Variants in RBFOX1 observed in about 807,000 individuals in gnomAD.
RBFOX1 encodes the protein RNA binding protein fox-1 homolog 1.
In RBFOX1, 8 loss-of-function variants were observed where a neutral mutation model predicts 57.7. The observed-to-expected ratio is 0.14, with a 90% CI of 0.08 to 0.25. RBFOX1 has a LOEUF of 0.25. Among genes scored for constraint, RBFOX1 ranks in the 10% least tolerant of loss-of-function variants. The pLI is 1.00. For missense variants in RBFOX1, 611 were observed against 548.5 expected (o/e 1.11, Z -1.14); for synonymous variants, 326 against 222.4 (o/e 1.47, Z -4.15).
rs185079516 is a variant in RBFOX1 at position 7,174,640 on chromosome 16, C to T, written c.27+122542C>T. On this transcript the variant is annotated intron_variant, in intron 4 of 15. Transcript: ENST00000550418. ...TACTAAAAATACAAAATTAGCCAGG[C>T]GTGGTGGTGGGTACCTGTAATCCCA... Among the ~76,000 whole-genome samples, 274 of 152,172 alleles carry T rather than the reference C, an allele frequency of 1.8e-3. 3 individuals are homozygous for T. The highest frequency in any genetic ancestry group is 2.9e-3 in the Non-Finnish European group (197 of 68,006).
chr16:6,141,070 TTC>T (rs1436651007), intron 1 of RBFOX1, among the ~76,000 whole-genome samples: 18 of 152,168 alleles, frequency 1.2e-4, no homozygotes, highest in African/African-American at 3.6e-4. Flanking sequence ...ATCCTCTTAA[TTC>T]TCTGTGTCCA....
intron 3 of RBFOX1, among the ~76,000 whole-genome samples, chr16:5,672,453 C>A (rs532669596): frequency 3.3e-5 from 5 of 152,130 alleles, no homozygotes; most frequent in African/African-American, 4.8e-5. Context: ...CTATGCTGAA[C>A]CTTTGAAGGC....
intron 2 of RBFOX1, among the ~76,000 whole-genome samples, chr16:6,451,743 C>T (rs1188807301): frequency 1.3e-5 from 2 of 152,208 alleles, no homozygotes; most frequent in African/African-American, 4.8e-5. Context: ...AGACAGAGCA[C>T]ATACAGTATT....
chr16:7,064,318 G>T (rs999585124), intron 4 of RBFOX1, among the ~76,000 whole-genome samples: 11 of 151,872 alleles, frequency 7.2e-5, no homozygotes, highest in Non-Finnish European at 1.3e-4. Flanking sequence ...ACAGGCACCC[G>T]CCACCATACC....
At chr16:6,947,411 C>T (rs923589271) in intron 3 of RBFOX1, among the ~76,000 whole-genome samples, 1 of 152,276 alleles carries the variant, frequency 6.6e-6, no homozygotes, top group Non-Finnish European at 1.5e-5. Context: ...AGAGAAGGAA[C>T]AGATGGGAGA....
At chr16:7,503,765 C>G (rs899770325) in intron 4 of RBFOX1, among the ~76,000 whole-genome samples, 16 of 152,082 alleles carry the variant, frequency 1.1e-4, no homozygotes, top group Non-Finnish European at 2.4e-4. Context: ...TACAAAAATT[C>G]ACTTTTGCCA....
chr16:7,488,977 TGC>T (rs202186186), intron 4 of RBFOX1, among the ~76,000 whole-genome samples: 3 of 151,778 alleles, frequency 2.0e-5, no homozygotes, highest in African/African-American at 4.8e-5. Flanking sequence ...CCATTATCTA[TGC>T]CTCTAATCTC....
At chr16:6,286,649 C>A (rs74649243) in intron 1 of RBFOX1, among the ~76,000 whole-genome samples, 8 of 152,234 alleles carry the variant, frequency 5.3e-5, no homozygotes, top group African/African-American at 1.9e-4. Flanking sequence ...GCCTGGACTC[C>A]GAGCAGAAGG....
Position 5,754,564 on chromosome 16 carries a change from G to C in RBFOX1, c.319-112739G>C, listed in dbSNP as rs372857644. 5.4e-3 allele frequency among the ~76,000 whole-genome samples: 716 copies of C among 133,766 alleles called. 7 individuals carry two copies. The highest frequency in any genetic ancestry group is 0.019 in the African/African-American group (648 of 34,486). 87.8% of individuals were successfully genotyped at this position (133,766 alleles called of 152,430 possible). On this transcript the variant is annotated intron_variant, in intron 3 of 19. Coordinates refer to the RBFOX1 transcript ENST00000641259. ...CCTCTGAGTTCCCTTAGTATTTATT[G>C]ATCATCTGTGGGTGTTTCTCGAAGA...
intron 1 of RBFOX1, among the ~76,000 whole-genome samples, chr16:6,156,601 C>T (rs2096840061): frequency 6.6e-6 from 1 of 152,052 alleles, no homozygotes; most frequent in African/African-American, 2.4e-5. Flanking sequence ...ACGAGGTGGC[C>T]AGCTTGGCCA....
At chr16:7,083,396 G>A (rs1437724294) in intron 4 of RBFOX1, among the ~76,000 whole-genome samples, 1 of 152,014 alleles carries the variant, frequency 6.6e-6, no homozygotes, top group Non-Finnish European at 1.5e-5. Flanking sequence ...TGCAAACTGA[G>A]CAGAGGCAGG....
chr16:6,858,538 A>C (rs2058327942), intron 3 of RBFOX1, among the ~76,000 whole-genome samples: 1 of 152,160 alleles, frequency 6.6e-6, no homozygotes, highest in South Asian at 2.1e-4. Flanking sequence ...TGCTTGTTTT[A>C]CTTAGAATCG....
At chr16:5,935,150 A>G (rs866476127) in intron 4 of RBFOX1, among the ~76,000 whole-genome samples, 9 of 152,196 alleles carry the variant, frequency 5.9e-5, no homozygotes, top group Admixed American at 6.5e-5. Context: ...TCTATTTCCT[A>G]TAACTTTATC....
chr16:5,582,697 T>G (rs1189885032), intron 2 of RBFOX1, among the ~76,000 whole-genome samples: 1 of 152,000 alleles, frequency 6.6e-6, no homozygotes, highest in Non-Finnish European at 1.5e-5. Context: ...ACCACAGGCA[T>G]GAGCCATCAC....
intron 3 of RBFOX1, among the ~76,000 whole-genome samples, chr16:5,836,099 A>T (rs946717298): frequency 2.0e-5 from 3 of 152,232 alleles, no homozygotes; most frequent in African/African-American, 7.2e-5. Context: ...ATGTTTAATT[A>T]GTCGTGAGGC....
chr16:5,572,607 C>T (rs1016715630), intron 2 of RBFOX1, among the ~76,000 whole-genome samples: 4 of 152,176 alleles, frequency 2.6e-5, no homozygotes, highest in Non-Finnish European at 4.4e-5. Flanking sequence ...TTGAGAACCC[C>T]TGATCTGTGC....
Position 6,508,869 on chromosome 16 carries a change from CAA to C in RBFOX1, c.-63-145722_-63-145721del, listed in dbSNP as rs34095008. On this transcript the variant is annotated intron_variant, in intron 2 of 15. Coordinates refer to ENST00000550418, the MANE Select transcript of RBFOX1 (RefSeq NM_018723.4). ...TTTTGCACCAACCTACGAATCATAA[CAA>C]AAAAAAAAAAATAAAGATTCTTAAC... Among the ~76,000 whole-genome samples the C allele has an allele frequency of 5.8e-4, 84 of 144,356 alleles. 1 individual carries two copies. The highest frequency in any genetic ancestry group is 1.5e-3 in the Admixed American group (22 of 14,428). The allele number at this position is 144,356 out of a possible 152,430, so 94.7% of individuals were successfully genotyped here. A position where few individuals can be genotyped will look rare whatever the true frequency, so the allele number is the denominator to read the frequency against.
rs557854934 is a variant in RBFOX1, at chr16:6,607,533, T to C, written c.-63-47070T>C. Among the ~76,000 whole-genome samples, 8 of 149,136 alleles carry C rather than the reference T, an allele frequency of 5.4e-5. No homozygotes were observed. The East Asian group carries it at 1.2e-3, about 22-fold the overall frequency. ...TCTTCTCTCTCCTATCTATCTCCTC[T>C]CCCTCTTTCTTCCTCCTCTTTCCCT... On this transcript the variant is annotated intron_variant, in intron 2 of 15. Coordinates refer to ENST00000550418, the MANE Select transcript of RBFOX1 (RefSeq NM_018723.4).
At chr16:7,541,548 C>T (rs1331137123) in intron 5 of RBFOX1, among the ~76,000 whole-genome samples, 1 of 152,114 alleles carries the variant, frequency 6.6e-6, no homozygotes, top group African/African-American at 2.4e-5. Context: ...TGTCCGTTTG[C>T]ATTGAAAATC....
Sources: allele counts gnomAD v4.1 joint callset (sites outside exome capture counted in the v4.1 genomes callset), GRCh38; gene constraint gnomAD v4.1.1; transcripts MANE v1.5; gene names NCBI Gene and HGNC (gene_info 2026-07-23, HGNC 2026-07-21).